PCDHGA8: variants seen among roughly 807,000 people sequenced by gnomAD.
PCDHGA8 encodes protocadherin gamma-A8.
A neutral mutation model predicts 59.2 loss-of-function variants in PCDHGA8; 45 were observed. That is an observed-to-expected ratio of 0.76 (90% confidence interval 0.60 to 0.98). The LOEUF (loss-of-function observed/expected upper bound fraction) is 0.98, where lower values mean the gene tolerates loss of function less well. Among genes scored for constraint, PCDHGA8 ranks in the 50% least tolerant of loss-of-function variants. PCDHGA8 has a pLI of 0.00. For synonymous variants in PCDHGA8, 531 were observed against 519.0 expected (o/e 1.02, Z -0.32); for missense variants, 1,257 against 1,196.2 (o/e 1.05, Z -0.75).
Position 141,511,303 on chromosome 5 carries a change from C to T in PCDHGA8, c.*130C>T, listed in dbSNP as rs2099883709. 2.7e-6 allele frequency: 4 copies of T among 1,490,160 alleles called. No homozygotes were observed. Among genetic ancestry groups the T allele is most frequent in the Non-Finnish European group, 3.6e-6 (4 of 1,116,196 alleles). 92.3% of individuals were successfully genotyped at this position (1,490,160 alleles called of 1,614,324 possible). ...CTGGTAGGGGCCAAGGCCATGCTCC[C>T]CTTGGGAAACAGAAACAAGTGCCCA... On this transcript the variant is annotated 3_prime_UTR_variant, in exon 4 of 4. Coordinates refer to ENST00000398604, the MANE Select transcript of PCDHGA8 (RefSeq NM_032088.2).
chr5:141,460,766 A>G (rs1370331016), intron 1 of PCDHGA8, among the ~76,000 whole-genome samples: 1 of 152,056 alleles, frequency 6.6e-6, no homozygotes, highest in Non-Finnish European at 1.5e-5. Flanking sequence ...TACATATTGC[A>G]TATGTATGTA....
At position 141,494,730 on chromosome 5, in the gene PCDHGA8, G is replaced by A. The variant is rs1595262506; in HGVS notation, c.2425-77G>A. 18 of 1,609,816 alleles carry A rather than the reference G, an allele frequency of 1.1e-5. No individual in the cohort carries two copies. In the East Asian group the frequency reaches 4.0e-4, roughly 36 times the overall value. On this transcript the variant is annotated intron_variant, in intron 1 of 3. Coordinates refer to ENST00000398604, the MANE Select transcript of PCDHGA8 (RefSeq NM_032088.2). ...GTGCCCACTCCCCTCCTTCTCTCCC[G>A]GCCCATCCCTAGGGGCTCGGGTGAC...
rs2099668037 is a variant in PCDHGA8 at position 141,487,853 on chromosome 5, T to C, written c.2425-6954T>C. The C allele has an allele frequency of 1.0e-6, 1 of 984,708 alleles. No individual in the cohort carries two copies. The allele number at this position is 984,708 out of a possible 1,614,324, so 61.0% of individuals were successfully genotyped here. The stretch of plus-strand genomic sequence containing the variant: ...CCTATATCTGAGTAAGAAATGAAAG[T>C]AATTGGTGATCAAGAGCCAGGCTGT... On this transcript the variant is annotated intron_variant, in intron 1 of 3. Transcript: ENST00000398604. The surrounding 1 kb of genome is among the most constrained non-coding windows in gnomAD (Gnocchi z 5.0).
At chr5:141,421,354 G>T in intron 1 of PCDHGA8, 2 of 1,613,980 alleles carry the variant, frequency 1.2e-6, no homozygotes, top group Non-Finnish European at 1.7e-6. Context: ...GACCGAAAAG[G>T]GCTCCTTCGT....
At chr5:141,483,972 A>G in intron 1 of PCDHGA8, among the ~76,000 whole-genome samples, 1 of 83,960 alleles carries the variant, frequency 1.2e-5, no homozygotes, top group Admixed American at 1.8e-4. Context: ...TGCTTGTGCA[A>G]GGGAGTAGCT....
chr5:141,409,278 A>C, intron 1 of PCDHGA8: 1 of 1,614,022 alleles, frequency 6.2e-7, no homozygotes, highest in Non-Finnish European at 8.5e-7. Flanking sequence ...ATTTTGGAGA[A>C]TTCACCTCCA....
chr5:141,453,204 C>T (rs1345502837), intron 1 of PCDHGA8, among the ~76,000 whole-genome samples: 1 of 152,260 alleles, frequency 6.6e-6, no homozygotes, highest in East Asian at 1.9e-4. Flanking sequence ...GCCTCAACCT[C>T]GTGCACTTAA....
In PCDHGA8 at chr5:141,405,080, A is replaced by T. The variant is rs1382053021; in HGVS notation, c.2424+9843A>T. 2.5e-6 allele frequency: 4 copies of T among 1,613,560 alleles called. No individual in the cohort carries two copies. In the East Asian group the frequency reaches 6.7e-5, roughly 27 times the overall value. On this transcript the variant is annotated intron_variant, in intron 1 of 3. Coordinates refer to ENST00000398604, the MANE Select transcript of PCDHGA8 (RefSeq NM_032088.2). ...CTGTGTCTTCCTCACCTTCGTTATC[A>T]CGCTGCTGGCCCTCAGGCTGAGGCA...
At chr5:141,406,011 G>A (rs1380278745) in intron 1 of PCDHGA8, among the ~76,000 whole-genome samples, 7 of 151,702 alleles carry the variant, frequency 4.6e-5, no homozygotes, top group African/African-American at 1.7e-4. Context: ...CATTGATGTG[G>A]GCTTTTTGGG....
rs549955923 is a variant in PCDHGA8, at chr5:141,409,897, A to G, written c.2424+14660A>G. 8.7e-6 allele frequency: 14 copies of G among 1,613,204 alleles called. No individual in the cohort carries two copies. The South Asian group carries it at 1.3e-4, about 15-fold the overall frequency. On this transcript the variant is annotated intron_variant, in intron 1 of 3. Coordinates refer to ENST00000398604, the MANE Select transcript of PCDHGA8 (RefSeq NM_032088.2). ...ACAACGCACCGCGGGTGCTGTACCC[A>G]GCTCTGGGTCCTGACGGCTCCGCGT...
chr5:141,403,929 G>A (rs1203236737), intron 1 of PCDHGA8: 5 of 1,613,854 alleles, frequency 3.1e-6, no homozygotes, highest in Non-Finnish European at 4.2e-6. Context: ...GATGGTGGGG[G>A]ATTGAAAGGG....
chr5:141,509,839 T>C (rs1277859334), intron 3 of PCDHGA8, among the ~76,000 whole-genome samples: 4 of 152,162 alleles, frequency 2.6e-5, no homozygotes, highest in Non-Finnish European at 5.9e-5. Context: ...CTACCTCCCA[T>C]TCACTCAGAA....
chr5:141,430,399 T>G (rs2097282187), intron 1 of PCDHGA8, among the ~76,000 whole-genome samples: 1 of 150,106 alleles, frequency 6.7e-6, no homozygotes, highest in Admixed American at 6.6e-5. Flanking sequence ...AAAAAAAAGC[T>G]CACTAAAGTT....
intron 1 of PCDHGA8, among the ~76,000 whole-genome samples, chr5:141,453,193 A>G (rs2098757675): frequency 6.6e-6 from 1 of 152,142 alleles, no homozygotes; most frequent in Admixed American, 6.5e-5. Context: ...AGCTCACTGC[A>G]GCCTCAACCT....
chr5:141,395,439 A>G, intron 1 of PCDHGA8: 1 of 679,568 alleles, frequency 1.5e-6, no homozygotes, highest in Non-Finnish European at 2.3e-6. Context: ...AACGACTTGG[A>G]AAAGATTGTT....
At chr5:141,418,912 ACT>A (rs1457793463) in intron 1 of PCDHGA8, 2 of 1,613,770 alleles carry the variant, frequency 1.2e-6, no homozygotes, top group Non-Finnish European at 1.7e-6. Flanking sequence ...TCATCACGTC[ACT>A]CTCTGATCAG....
At chr5:141,484,120 C>A (rs1158603108) in intron 1 of PCDHGA8, among the ~76,000 whole-genome samples, 1 of 152,146 alleles carries the variant, frequency 6.6e-6, no homozygotes, top group African/African-American at 2.4e-5. Flanking sequence ...ATCAAGAATA[C>A]CTTGGTGTCA....
chr5:141,426,753 A>G (rs1360041118), intron 1 of PCDHGA8: 3 of 456,298 alleles, frequency 6.6e-6, no homozygotes, highest in East Asian at 7.0e-5. Flanking sequence ...GGAATCTGCT[A>G]TAGATGCAGA....
At chr5:141,406,497 G>A (rs918411920) in intron 1 of PCDHGA8, among the ~76,000 whole-genome samples, 2 of 152,200 alleles carry the variant, frequency 1.3e-5, no homozygotes, top group African/African-American at 4.8e-5. Context: ...TCACAAGTGT[G>A]TAAAGTCTGT....
Sources: gnomAD v4.1 joint callset for allele counts (sites outside exome capture counted in the v4.1 genomes callset) on GRCh38, gnomAD v4.1.1 for gene constraint, Gnocchi (gnomAD v3.1) non-coding constraint, MANE v1.5 for transcripts, NCBI Gene and HGNC (gene_info 2026-07-23, HGNC 2026-07-21) for gene names.